The following NBAS variants were observed in gnomAD, a reference collection of about 807,000 sequenced individuals.
NBAS encodes NAG/BC035112 fusion.
NBAS carries 219 observed loss-of-function variants against 302.5 expected under a neutral mutation model. That is an observed-to-expected ratio of 0.72 (90% CI 0.65 to 0.81). The LOEUF (loss-of-function observed/expected upper bound fraction) is 0.81, where lower values mean the gene tolerates loss of function less well. Among genes scored for constraint, NBAS ranks in the 30% least tolerant of loss-of-function variants. The pLI, the probability that NBAS is intolerant of heterozygous loss-of-function variation, is 0.00. For synonymous variants in NBAS, 1,118 were observed against 1,021.6 expected, an observed-to-expected ratio of 1.09 and a Z score of -1.80; for missense variants, 2,932 against 2,841.6, an observed-to-expected ratio of 1.03 and a Z score of -0.72.
intron 51 of NBAS, among the ~76,000 whole-genome samples, chr2:15,171,743 CA>C (rs1185823919): frequency 6.6e-6 from 1 of 152,118 alleles, no homozygotes; most frequent in Non-Finnish European, 1.5e-5. Context: ...TTTAAAGAGG[CA>C]ATGAAGGTAA....
rs1263272838 is a variant in NBAS at position 15,385,226 on chromosome 2, T to C, written c.3258-1909A>G. ...ATTTGTTTGACCTGGGTACATTAAC[T>C]CTTTAGCCTTCAAAAAACTGGAGGG... On this transcript the variant is annotated intron_variant, in intron 28 of 51. Coordinates refer to ENST00000281513, the MANE Select transcript of NBAS (RefSeq NM_015909.4). Among the ~76,000 whole-genome samples the C allele has an allele frequency of 7.9e-5, 12 of 152,200 alleles. No individual in the cohort carries two copies. The South Asian group carries it at 2.5e-3, about 32-fold the overall frequency.
chr2:15,493,963 T>C (rs1680969436), intron 11 of NBAS, among the ~76,000 whole-genome samples: 1 of 151,730 alleles, frequency 6.6e-6, no homozygotes, highest in African/African-American at 2.4e-5. Flanking sequence ...GTAGCTGGGA[T>C]TACAGGCACC....
chr2:14,969,949 A>G, the NBAS span, among the ~76,000 whole-genome samples: 2 of 152,242 alleles, frequency 1.3e-5, no homozygotes, highest in Admixed American at 1.3e-4. Context: ...GACTCTCATC[A>G]GGAGAATATC....
At chr2:15,361,637 A>C (rs987189775) in intron 32 of NBAS, among the ~76,000 whole-genome samples, 1 of 152,204 alleles carries the variant, frequency 6.6e-6, no homozygotes, top group African/African-American at 2.4e-5. Context: ...AAAGGACAAA[A>C]ATCTAATATA....
chr2:15,074,978 G>T, the NBAS span, among the ~76,000 whole-genome samples: 1 of 152,166 alleles, frequency 6.6e-6, no homozygotes, highest in Non-Finnish European at 1.5e-5. Context: ...ATATCAGAAA[G>T]CTACTGGTAG....
At chr2:15,279,137 T>A (rs1669718262) in intron 42 of NBAS, among the ~76,000 whole-genome samples, 1 of 152,052 alleles carries the variant, frequency 6.6e-6, no homozygotes, top group South Asian at 2.1e-4. Context: ...GTAGTCGCAA[T>A]AAAAGGAATC....
chr2:14,937,967 A>G, the NBAS span, among the ~76,000 whole-genome samples: 1 of 152,080 alleles, frequency 6.6e-6, no homozygotes, highest in East Asian at 1.9e-4. Context: ...TGTCTCTACT[A>G]AAAATACAAA....
At chr2:14,827,428 C>T in the NBAS span, among the ~76,000 whole-genome samples, 1 of 152,040 alleles carries the variant, frequency 6.6e-6, no homozygotes, top group Non-Finnish European at 1.5e-5. Flanking sequence ...CTTGGGAGTC[C>T]GTGGGCATTT....
At chr2:14,962,831 G>A in the NBAS span, among the ~76,000 whole-genome samples, 1 of 151,958 alleles carries the variant, frequency 6.6e-6, no homozygotes, top group Non-Finnish European at 1.5e-5. Flanking sequence ...TTTCATAAAA[G>A]GCTTGTAATA....
chr2:15,350,602 A>T (rs1282017272), intron 35 of NBAS, among the ~76,000 whole-genome samples: 1 of 152,198 alleles, frequency 6.6e-6, no homozygotes, highest in Admixed American at 6.5e-5. Context: ...CCCAGGATGG[A>T]AGATTCTGAA....
the NBAS span, among the ~76,000 whole-genome samples, chr2:15,082,895 G>A: frequency 6.6e-6 from 1 of 152,214 alleles, no homozygotes; most frequent in Non-Finnish European, 1.5e-5. Flanking sequence ...CTGACATGTA[G>A]TAGAGCCAGG....
chr2:14,966,844 T>A, the NBAS span, among the ~76,000 whole-genome samples: 6 of 152,140 alleles, frequency 3.9e-5, no homozygotes, highest in Non-Finnish European at 7.4e-5. Context: ...CATATTCAAA[T>A]AAAATAGTAA....
At chr2:15,443,028 A>T (rs1413907549) in intron 21 of NBAS, among the ~76,000 whole-genome samples, 3 of 151,594 alleles carry the variant, frequency 2.0e-5, no homozygotes, top group Non-Finnish European at 4.4e-5. Context: ...ACCAACCAAA[A>T]AGAGTCCAGG....
intron 2 of NBAS, 124 bp from the exon 3 acceptor site, chr2:15,556,943 C>G (rs1664674409): frequency 1.3e-6 from 1 of 758,196 alleles, no homozygotes; most frequent in East Asian, 2.6e-5. Flanking sequence ...AAATAAAGAA[C>G]TCAAGTCTTA....
At chr2:15,268,462 T>C (rs1010263522) in intron 44 of NBAS, among the ~76,000 whole-genome samples, 19 of 152,346 alleles carry the variant, frequency 1.2e-4, no homozygotes, top group African/African-American at 4.6e-4. Context: ...ATTTTTATAT[T>C]GATCACATGA....
At chr2:15,094,447 G>T in the NBAS span, among the ~76,000 whole-genome samples, 4 of 152,128 alleles carry the variant, frequency 2.6e-5, no homozygotes, top group Admixed American at 2.0e-4. Flanking sequence ...CCTTGTCAAA[G>T]AATACATTTT....
chr2:15,400,077 G>T (rs1676073276), intron 26 of NBAS, among the ~76,000 whole-genome samples: 1 of 152,102 alleles, frequency 6.6e-6, no homozygotes, highest in South Asian at 2.1e-4. Context: ...AAAAAGTGAA[G>T]AAAGAAGAAA....
the NBAS span, among the ~76,000 whole-genome samples, chr2:14,815,428 G>A: frequency 6.6e-6 from 1 of 152,162 alleles, no homozygotes; most frequent in East Asian, 1.9e-4. Context: ...TCTAGTTCCT[G>A]GCACTCACAC....
At chr2:15,044,470 A>C in the NBAS span, among the ~76,000 whole-genome samples, 3 of 152,242 alleles carry the variant, frequency 2.0e-5, no homozygotes, top group Non-Finnish European at 4.4e-5. Flanking sequence ...AAATAAACAC[A>C]ATCTGCAGGA....
Sources: allele counts gnomAD v4.1 joint callset (sites outside exome capture counted in the v4.1 genomes callset), GRCh38; gene constraint gnomAD v4.1.1; transcripts MANE v1.5; gene names NCBI Gene and HGNC (gene_info 2026-07-23, HGNC 2026-07-21).